The following LRRC7 variants were observed in gnomAD, a reference collection of about 807,000 sequenced individuals.
The protein encoded by LRRC7 is leucine-rich repeat-containing protein 7.
Under a neutral mutation model 175.7 loss-of-function variants are expected in LRRC7, and 23 were observed. That is an observed-to-expected ratio of 0.13 (90% CI 0.09 to 0.19). The LOEUF (loss-of-function observed/expected upper bound fraction) is 0.19, where lower values mean the gene tolerates loss of function less well. LRRC7 is among the 10% of genes least tolerant of loss of function. LRRC7 has a pLI of 1.00. For missense variants in LRRC7, 1,354 were observed against 1,904.7 expected, an observed-to-expected ratio of 0.71 and a Z score of 5.38; for synonymous variants, 685 against 680.9, an observed-to-expected ratio of 1.01 and a Z score of -0.09.
At chr1:69,966,061 A>G (rs1019512118) in intron 8 of LRRC7, among the ~76,000 whole-genome samples, 3 of 152,170 alleles carry the variant, frequency 2.0e-5, no homozygotes, top group Admixed American at 6.5e-5. Flanking sequence ...TAGTAAAATT[A>G]AAAAGAAATA....
chr1:69,640,734 T>C (rs200559240), intron 1 of LRRC7, among the ~76,000 whole-genome samples: 1 of 148,594 alleles, frequency 6.7e-6, no homozygotes, highest in East Asian at 1.9e-4. Context: ...CATTGTCTTT[T>C]CACTTGTAAT....
At chr1:69,577,956 T>C (rs1646026182) in intron 1 of LRRC7, among the ~76,000 whole-genome samples, 1 of 152,194 alleles carries the variant, frequency 6.6e-6, no homozygotes, top group Non-Finnish European at 1.5e-5. Flanking sequence ...ATTGAATCTA[T>C]AAATTACCTT....
intron 1 of LRRC7, among the ~76,000 whole-genome samples, chr1:69,655,306 A>T (rs1656445811): frequency 1.3e-5 from 2 of 152,062 alleles, no homozygotes; most frequent in African/African-American, 4.8e-5. Flanking sequence ...CTCTACTACC[A>T]CGTAGGCGGC....
chr1:69,907,506 CTGTTGAGATAATCACG>C (rs1462726067), intron 7 of LRRC7, among the ~76,000 whole-genome samples: 1 of 152,170 alleles, frequency 6.6e-6, no homozygotes, highest in African/African-American at 2.4e-5. Context: ...TTTTCTGCAT[CTGTTGAGATAATCACG>C]TGGTTTTTGT....
rs115238213 is a variant in LRRC7 at position 69,971,488 on chromosome 1, G to A, written c.712-8891G>A. Among the ~76,000 whole-genome samples the A allele has an allele frequency of 7.1e-3, 1,077 of 152,070 alleles. 11 individuals are homozygous for A. Among genetic ancestry groups the A allele is most frequent in the African/African-American group, 0.025 (1,026 of 41,512 alleles). On this transcript the variant is annotated intron_variant, in intron 8 of 26. Coordinates refer to ENST00000651989, the MANE Select transcript of LRRC7 (RefSeq NM_001370785.2). ...TTCTATACACCCACAGCGACCAAGC[G>A]GAGAATCAGATCAAGAACTTAACCC...
chr1:69,779,201 T>C (rs946522606), intron 3 of LRRC7, among the ~76,000 whole-genome samples: 6 of 151,976 alleles, frequency 3.9e-5, no homozygotes, highest in Admixed American at 2.0e-4. Flanking sequence ...CAATAATTAC[T>C]AAAAAAGCAA....
Position 69,817,468 on chromosome 1 carries a change from T to C in LRRC7, c.422-8280T>C, listed in dbSNP as rs550016032. On this transcript the variant is annotated intron_variant, in intron 4 of 26. Coordinates refer to ENST00000651989, the MANE Select transcript of LRRC7 (RefSeq NM_001370785.2). Reference sequence around the variant, plus strand: ...TATGTGGCTTTTTTTCTGGGATCTCTAATTTATTCCAATGATCTCTAAGTC... The same window carrying C: ...TATGTGGCTTTTTTTCTGGGATCTCCAATTTATTCCAATGATCTCTAAGTC... Among the ~76,000 whole-genome samples the C allele has an allele frequency of 2.4e-4, 36 of 152,184 alleles. 1 individual carries two copies. The highest frequency in any genetic ancestry group is 2.2e-3 in the Admixed American group (33 of 15,296).
intron 2 of LRRC7, among the ~76,000 whole-genome samples, chr1:69,722,904 T>C (rs1430905545): frequency 6.6e-6 from 1 of 152,118 alleles, no homozygotes; most frequent in Non-Finnish European, 1.5e-5. Context: ...ACACTCTTTG[T>C]ATGTAATATA....
At chr1:69,611,576 C>G (rs2100254625) in intron 1 of LRRC7, among the ~76,000 whole-genome samples, 1 of 152,140 alleles carries the variant, frequency 6.6e-6, no homozygotes, top group Non-Finnish European at 1.5e-5. Flanking sequence ...AAAGACACTT[C>G]ACTTCATACA....
intron 1 of LRRC7, among the ~76,000 whole-genome samples, chr1:69,642,430 A>G (rs1310131914): frequency 6.6e-6 from 1 of 152,046 alleles, no homozygotes; most frequent in East Asian, 1.9e-4. Context: ...AAAAAAGGAA[A>G]TATGAGAAGA....
Position 69,793,670 on chromosome 1 carries a change from A to G in LRRC7, c.421+1510A>G, listed in dbSNP as rs1675388935. Among the ~76,000 whole-genome samples, 4 of 151,850 alleles carry G rather than the reference A, an allele frequency of 2.6e-5. No individual in the cohort carries two copies. The South Asian group carries it at 8.3e-4, about 32-fold the overall frequency. On this transcript the variant is annotated intron_variant, in intron 4 of 26. Coordinates refer to ENST00000651989, the MANE Select transcript of LRRC7 (RefSeq NM_001370785.2). ...TATATGAAAAACTGACCCACTGTGTATTTAAATTATTTATCTATTGTCTGG... is the reference window on the plus strand; with the variant it reads ...TATATGAAAAACTGACCCACTGTGTGTTTAAATTATTTATCTATTGTCTGG...
chr1:69,983,321 T>C (rs376296847), intron 9 of LRRC7, among the ~76,000 whole-genome samples: 2 of 152,308 alleles, frequency 1.3e-5, no homozygotes, highest in Admixed American at 6.5e-5. Context: ...TGCACTGGGT[T>C]AATTAAGGAT....
At chr1:69,852,862 G>C (rs1383283718) in intron 7 of LRRC7, among the ~76,000 whole-genome samples, 1 of 152,116 alleles carries the variant, frequency 6.6e-6, no homozygotes, top group African/African-American at 2.4e-5. Context: ...AAATGATGAA[G>C]AAGTTACAGT....
intron 24 of LRRC7, among the ~76,000 whole-genome samples, chr1:70,086,423 T>C (rs999639480): frequency 2.6e-5 from 4 of 152,182 alleles, no homozygotes; most frequent in Non-Finnish European, 5.9e-5. Context: ...GAAAGACCAT[T>C]GATTGCACTA....
chr1:70,120,479 TGAG>T (rs1666137009), intron 26 of LRRC7, among the ~76,000 whole-genome samples: 2 of 152,206 alleles, frequency 1.3e-5, no homozygotes, highest in South Asian at 4.1e-4. Flanking sequence ...GAACTAGTGA[TGAG>T]ATATAATGTA....
At chr1:69,810,866 A>AG (rs1264938407) in intron 4 of LRRC7, among the ~76,000 whole-genome samples, 1 of 152,202 alleles carries the variant, frequency 6.6e-6, no homozygotes, top group Non-Finnish European at 1.5e-5. Flanking sequence ...GGCATGGGCA[A>AG]AGACCTCATG....
chr1:70,027,400 A>G (rs1333104965), intron 17 of LRRC7, among the ~76,000 whole-genome samples: 1 of 152,172 alleles, frequency 6.6e-6, no homozygotes, highest in African/African-American at 2.4e-5. Context: ...CCCAAAAGTT[A>G]TATTGATAAC....
chr1:69,611,760 T>C lies in LRRC7; in HGVS notation c.2+43119T>C, dbSNP rs1052065350. Reference sequence around the variant, plus strand: ...TTGATGGCTGTTTTCAACAGTGGAATCTCCAATAAAAAAAGCACAGGAAGC... The same window carrying C: ...TTGATGGCTGTTTTCAACAGTGGAACCTCCAATAAAAAAAGCACAGGAAGC... On this transcript the variant is annotated intron_variant, in intron 1 of 26. Transcript: ENST00000651989. Among the ~76,000 whole-genome samples the C allele has an allele frequency of 2.6e-5, 4 of 151,928 alleles. No homozygotes were observed. The East Asian group carries it at 7.8e-4, about 30-fold the overall frequency.
rs11803920 is a variant in LRRC7, at chr1:69,602,041, C to T, written c.2+33400C>T. Among the ~76,000 whole-genome samples the T allele has an allele frequency of 7.9e-3, 1,204 of 152,184 alleles. 19 individuals are homozygous for T. Among genetic ancestry groups the T allele is most frequent in the African/African-American group, 0.028 (1,147 of 41,524 alleles). On this transcript the variant is annotated intron_variant, in intron 1 of 26. Transcript: ENST00000651989. ...CTTATATACCTGTCATTTAGTTCAACGAGAATCTTAAGAAGTTGGAAGGGC... is the reference window on the plus strand; with the variant it reads ...CTTATATACCTGTCATTTAGTTCAATGAGAATCTTAAGAAGTTGGAAGGGC...
Sources: allele counts gnomAD v4.1 joint callset (sites outside exome capture counted in the v4.1 genomes callset), GRCh38; gene constraint gnomAD v4.1.1; transcripts MANE v1.5; gene names NCBI Gene and HGNC (gene_info 2026-07-23, HGNC 2026-07-21).